ATP8B4: variants seen among roughly 807,000 people sequenced by gnomAD.
ATP8B4 encodes the protein ATPase phospholipid transporting 8B4 (putative).
Under a neutral mutation model 145.6 loss-of-function variants are expected in ATP8B4, and 133 were observed. That is an observed-to-expected ratio of 0.91 (90% CI 0.79 to 1.05). The LOEUF is 1.05. ATP8B4 is among the 50% of genes least tolerant of loss of function. The probability of loss-of-function intolerance (pLI) is 0.00; values close to 1 mark genes in which losing one functional copy is unlikely to be tolerated. For synonymous variants in ATP8B4, 507 were observed against 492.9 expected, an observed-to-expected ratio of 1.03 and a Z score of -0.38; for missense variants, 1,458 against 1,425.2, an observed-to-expected ratio of 1.02 and a Z score of -0.37.
rs762095964 is a variant in ATP8B4 at position 50,038,838 on chromosome 15, T to C, written c.301-9A>G. On this transcript the variant is annotated splice_polypyrimidine_tract_variant and intron_variant, in intron 5 of 27. Transcript: ENST00000284509. ...TCACTCTTGTGGCGAAACTGAAAAA[T>C]CAAAGTGTTTGTGAGAAAACACATT... 6.2e-6 allele frequency: 10 copies of C among 1,612,618 alleles called. No homozygotes were observed. The East Asian group carries it at 6.7e-5, about 11-fold the overall frequency.
chr15:50,117,303 G>A (rs55946881), intron 1 of ATP8B4, among the ~76,000 whole-genome samples: 40,380 of 152,042 alleles, frequency 0.27, 5,890 homozygotes, highest in East Asian at 0.52. Flanking sequence ...ACTTGCCTCA[G>A]CCTCCCAAAG....
chr15:49,960,044 T>TC (rs1289105303), intron 14 of ATP8B4, among the ~76,000 whole-genome samples: 3 of 151,230 alleles, frequency 2.0e-5, no homozygotes, highest in Admixed American at 1.3e-4. Flanking sequence ...TTTTTTTTTT[T>TC]TTTTGGAGAC....
At chr15:50,176,642 G>C (rs545258791) in intron 1 of ATP8B4, among the ~76,000 whole-genome samples, 46 of 152,268 alleles carry the variant, frequency 3.0e-4, no homozygotes, top group African/African-American at 1.1e-3. Context: ...AAAGAAGAGA[G>C]AGAAAGCTGT....
At chr15:50,019,066 T>C in intron 6 of ATP8B4, 1 of 629,032 alleles carries the variant, frequency 1.6e-6, no homozygotes, top group Non-Finnish European at 2.6e-6. Context: ...CCAGGAAATT[T>C]TATAGTAAGA....
Position 49,897,486 on chromosome 15 carries a change from G to C in ATP8B4, c.2503C>G (p.Gln835Glu). The change falls in exon 23 of 28, where the codon CAG (glutamine) becomes GAG (glutamate). Residue 835 changes from glutamine (Q) to glutamate (E), a missense_variant. Coordinates refer to ENST00000284509, the MANE Select transcript of ATP8B4 (RefSeq NM_024837.4). ...SAHIGVGISG[Q>E]EGLQAVLASD... Reference sequence around the variant, plus strand: ...GCTAAGACTGCTTGCAATCCTTCCTGGCCGCTGATGCCAACACCAATGTGA... The same window carrying C: ...GCTAAGACTGCTTGCAATCCTTCCTCGCCGCTGATGCCAACACCAATGTGA... 2 of 1,573,254 alleles carry C rather than the reference G, an allele frequency of 1.3e-6. No homozygotes were observed. Among genetic ancestry groups the C allele is most frequent in the Non-Finnish European group, 1.7e-6 (2 of 1,158,692 alleles).
chr15:49,949,078 G>C (rs1262002525), intron 14 of ATP8B4, among the ~76,000 whole-genome samples: 1 of 152,146 alleles, frequency 6.6e-6, no homozygotes, highest in Non-Finnish European at 1.5e-5. Flanking sequence ...TAGCCTGGTA[G>C]TATAGTTTGA....
intron 3 of ATP8B4, among the ~76,000 whole-genome samples, chr15:50,068,045 G>A (rs1361696107): frequency 6.6e-6 from 1 of 152,132 alleles, no homozygotes; most frequent in Non-Finnish European, 1.5e-5. Context: ...TTTTCTCAGA[G>A]AAACACAGAT....
At chr15:50,009,592 T>C in intron 7 of ATP8B4, 1 of 430,894 alleles carries the variant, frequency 2.3e-6, no homozygotes, top group Non-Finnish European at 4.6e-6. Flanking sequence ...CTAGTGCCCT[T>C]ACACTGGAGC....
intron 2 of ATP8B4, among the ~76,000 whole-genome samples, chr15:50,105,244 T>C (rs2056612741): frequency 1.7e-5 from 2 of 120,978 alleles, no homozygotes; most frequent in African/African-American, 6.4e-5. Flanking sequence ...CCCAAAAACT[T>C]ACTGAAATTT....
intron 1 of ATP8B4, among the ~76,000 whole-genome samples, chr15:50,148,230 T>A (rs2044303829): frequency 6.6e-6 from 1 of 152,132 alleles, no homozygotes. Flanking sequence ...AAAATGTTAA[T>A]GTCAATTAAA....
intron 15 of ATP8B4, among the ~76,000 whole-genome samples, chr15:49,932,060 T>C (rs949620498): frequency 4.0e-5 from 6 of 151,562 alleles, no homozygotes; most frequent in South Asian, 4.1e-4. Flanking sequence ...ATTATATTTA[T>C]ATGTAAAAAT....
chr15:50,046,704 A>G (rs551481016), intron 4 of ATP8B4, among the ~76,000 whole-genome samples: 1 of 152,200 alleles, frequency 6.6e-6, no homozygotes, highest in Non-Finnish European at 1.5e-5. Flanking sequence ...AACATGAACT[A>G]TTTATGTGTG....
intron 2 of ATP8B4, among the ~76,000 whole-genome samples, chr15:50,094,140 G>C (rs894760551): frequency 6.6e-6 from 1 of 152,152 alleles, no homozygotes; most frequent in African/African-American, 2.4e-5. Flanking sequence ...GTGTCTGTGA[G>C]GGTCTTTCTG....
At chr15:49,868,389 A>G (rs1209566422) in intron 25 of ATP8B4, among the ~76,000 whole-genome samples, 1 of 152,248 alleles carries the variant, frequency 6.6e-6, no homozygotes, top group Non-Finnish European at 1.5e-5. Flanking sequence ...TAAGCTAAAA[A>G]GTATAACATC....
intron 5 of ATP8B4, 59 bp from the exon 6 acceptor site, chr15:50,038,888 A>G (rs954854683): frequency 5.1e-5 from 73 of 1,419,906 alleles, no homozygotes; most frequent in Non-Finnish European, 7.0e-5. Context: ...CAGCCCAAAT[A>G]AGCACACTGG....
rs2031107312 is a variant in ATP8B4 at position 49,858,631 on chromosome 15, T to C, written c.*1563A>G. ...GGACCAGATTAAGGACTCTGTAGAATTAGAAGTTGATTTGTAGAAAACCAT... is the reference window on the plus strand; with the variant it reads ...GGACCAGATTAAGGACTCTGTAGAACTAGAAGTTGATTTGTAGAAAACCAT... On this transcript the variant is annotated 3_prime_UTR_variant, in exon 28 of 28. Coordinates refer to ENST00000284509, the MANE Select transcript of ATP8B4 (RefSeq NM_024837.4). 1 of 152,202 alleles carries C rather than the reference T, an allele frequency of 6.6e-6. No homozygotes were observed. The highest frequency in any genetic ancestry group is 1.5e-5 in the Non-Finnish European group (1 of 68,032). 9.4% of individuals were successfully genotyped at this position (152,202 alleles called of 1,614,324 possible). A position where few individuals can be genotyped will look rare whatever the true frequency, so the allele number is the denominator to read the frequency against.
intron 3 of ATP8B4, among the ~76,000 whole-genome samples, chr15:50,067,450 A>T (rs1209489226): frequency 6.6e-6 from 1 of 152,148 alleles, no homozygotes; most frequent in Admixed American, 6.6e-5. Context: ...CTCCTTGCTA[A>T]CAGTGGTGGT....
chr15:49,961,822 G>T (rs2044104836), intron 14 of ATP8B4, among the ~76,000 whole-genome samples, 155 bp downstream of exon 14: 1 of 151,484 alleles, frequency 6.6e-6, no homozygotes, highest in Admixed American at 6.6e-5. Flanking sequence ...AATATGAGAA[G>T]GAATTTTGAA....
Position 50,106,959 on chromosome 15 carries a change from C to A in ATP8B4, c.8G>T (p.Cys3Phe), listed in dbSNP as rs767940332. The change falls in exon 2 of 28, where the codon TGC becomes TTC. Residue 3 changes from cysteine (C) to phenylalanine (F), a missense_variant. Cys to Phe is a radical substitution (Grantham distance 205, BLOSUM62 -2). Transcript: ENST00000284509. Reference protein sequence around the residue: MFCSEKKLREVER... With the variant: MFFSEKKLREVER... The stretch of plus-strand genomic sequence containing the variant: ...CTTACCACGCAATTTCTTTTCACTG[C>A]AGAACATTATTATACCTGATCTTTC... 5 of 1,598,388 alleles carry A rather than the reference C, an allele frequency of 3.1e-6. No individual in the cohort carries two copies. In the South Asian group the frequency reaches 3.5e-5, roughly 11 times the overall value.
Sources: gnomAD v4.1 joint callset for allele counts (sites outside exome capture counted in the v4.1 genomes callset) on GRCh38, gnomAD v4.1.1 for gene constraint, MANE v1.5 for transcripts, NCBI Gene and HGNC (gene_info 2026-07-23, HGNC 2026-07-21) for gene names.